RALGAPA1: variants seen among roughly 807,000 people sequenced by gnomAD.
RALGAPA1 encodes the protein ral GTPase-activating protein subunit alpha-1.
RALGAPA1 carries 52 observed loss-of-function variants against 269.6 expected under a neutral mutation model. That is an observed-to-expected ratio of 0.19 (90% confidence interval 0.15 to 0.24). RALGAPA1 has a LOEUF of 0.24. RALGAPA1 is among the 10% of genes least tolerant of loss of function. The pLI is 1.00. For synonymous variants in RALGAPA1, 817 were observed against 1,008.3 expected (o/e 0.81, Z 3.60); for missense variants, 1,917 against 3,013.9 (o/e 0.64, Z 8.52).
intron 37 of RALGAPA1, among the ~76,000 whole-genome samples, chr14:35,594,281 A>G (rs1950002111): frequency 6.6e-6 from 1 of 152,166 alleles, no homozygotes; most frequent in Non-Finnish European, 1.5e-5. Flanking sequence ...GGTACTACAT[A>G]AAACTAAAAA....
intron 17 of RALGAPA1, among the ~76,000 whole-genome samples, chr14:35,693,440 T>C (rs2066656361): frequency 6.6e-6 from 1 of 151,850 alleles, no homozygotes; most frequent in Non-Finnish European, 1.5e-5. Context: ...ATATTTTAAC[T>C]TAAAAAATGA....
At chr14:35,577,543 T>G (rs774559030) in intron 37 of RALGAPA1, among the ~76,000 whole-genome samples, 12 of 152,166 alleles carry the variant, frequency 7.9e-5, no homozygotes, top group Admixed American at 2.0e-4. Context: ...CCCAGAACTG[T>G]GAGAAATAAA....
At chr14:35,563,683 T>C (rs2056468628) in intron 39 of RALGAPA1, among the ~76,000 whole-genome samples, 1 of 152,160 alleles carries the variant, frequency 6.6e-6, no homozygotes, top group Non-Finnish European at 1.5e-5. Flanking sequence ...AAATTGAAAA[T>C]GCATTTAATA....
chr14:35,759,967 A>G (rs1303772748), intron 6 of RALGAPA1, among the ~76,000 whole-genome samples: 1 of 151,918 alleles, frequency 6.6e-6, no homozygotes, highest in Non-Finnish European at 1.5e-5. Context: ...AACCACAAAG[A>G]CTCACTAATG....
chr14:35,585,085 A>C (rs1169413516), intron 37 of RALGAPA1, among the ~76,000 whole-genome samples: 1 of 152,216 alleles, frequency 6.6e-6, no homozygotes, highest in East Asian at 1.9e-4. Context: ...GATAAAGAGA[A>C]GCCTCATATA....
At chr14:35,710,515 C>A (rs1272071411) in intron 16 of RALGAPA1, among the ~76,000 whole-genome samples, 2 of 152,176 alleles carry the variant, frequency 1.3e-5, no homozygotes, top group East Asian at 3.9e-4. Context: ...TCCTTGGCCT[C>A]CCAAAGTACT....
Position 35,756,776 on chromosome 14 carries a change from A to G in RALGAPA1, c.663+17T>C. The G allele has an allele frequency of 6.5e-7, 1 of 1,541,956 alleles. No individual in the cohort carries two copies. Among genetic ancestry groups the G allele is most frequent in the Non-Finnish European group, 8.9e-7 (1 of 1,119,326 alleles). ...TAGGATAGTAAGGAGTGTGATATCA[A>G]AGAAGATAACAAGTACCTGAATGAC... On this transcript the variant is annotated intron_variant, in intron 7 of 41. Transcript: ENST00000680220.
At chr14:35,771,044 G>T in intron 3 of RALGAPA1, 45 bp from the exon 4 acceptor site, 1 of 825,714 alleles carries the variant, frequency 1.2e-6, no homozygotes, top group Non-Finnish European at 1.9e-6. Context: ...ATAAAACCAA[G>T]TAATGAGTTC....
At chr14:35,741,448 G>C (rs2071543642) in intron 11 of RALGAPA1, among the ~76,000 whole-genome samples, 1 of 151,566 alleles carries the variant, frequency 6.6e-6, no homozygotes. Context: ...ATGTTTGTGT[G>C]TATATATACA....
intron 1 of RALGAPA1, among the ~76,000 whole-genome samples, chr14:35,788,557 G>A (rs1019357209): frequency 3.3e-5 from 5 of 152,134 alleles, no homozygotes; most frequent in Non-Finnish European, 7.3e-5. Flanking sequence ...GACTAAGGCA[G>A]GAGGATCACA....
At chr14:35,748,967 G>A in intron 9 of RALGAPA1, 143 bp from the exon 10 acceptor site, 1 of 1,325,968 alleles carries the variant, frequency 7.5e-7, no homozygotes, top group Admixed American at 3.3e-5. Context: ...CGGGCATAGA[G>A]TTTCATTTAA....
chr14:35,612,463 C>G (rs2059999214), intron 35 of RALGAPA1, among the ~76,000 whole-genome samples: 1 of 148,160 alleles, frequency 6.7e-6, no homozygotes, highest in Non-Finnish European at 1.5e-5. Context: ...AGGGCGGAAA[C>G]TATAAAACTC....
At chr14:35,671,035 CAATA>C (rs1453595500) in intron 26 of RALGAPA1, among the ~76,000 whole-genome samples, 1 of 151,788 alleles carries the variant, frequency 6.6e-6, no homozygotes. Flanking sequence ...TTGTTAAAGA[CAATA>C]TATATTCAGG....
intron 6 of RALGAPA1, 92 bp from the exon 7 acceptor site, chr14:35,757,000 T>C: frequency 8.8e-7 from 1 of 1,140,470 alleles, no homozygotes; most frequent in Non-Finnish European, 1.1e-6. Context: ...AAAATGAGTA[T>C]GCAATGAAAA....
At chr14:35,738,436 T>C (rs1434791739) in intron 12 of RALGAPA1, 77 bp downstream of exon 12, 4 of 1,077,782 alleles carry the variant, frequency 3.7e-6, no homozygotes, top group Non-Finnish European at 5.1e-6. Context: ...TTGTGAAAAG[T>C]ATACTGTATA....
At chr14:35,801,153 A>G (rs1283150489) in intron 1 of RALGAPA1, among the ~76,000 whole-genome samples, 3 of 151,918 alleles carry the variant, frequency 2.0e-5, no homozygotes, top group Non-Finnish European at 4.4e-5. Context: ...ATAAGACTCT[A>G]GTCAGGCTGA....
At position 35,808,776 on chromosome 14, in the gene RALGAPA1, G is replaced by A. The variant is rs143085490; in HGVS notation, c.60C>T (p.Thr20=). The change falls in exon 1 of 42, where the codon ACC becomes ACT. Residue 20 remains threonine (T), a synonymous_variant. Coordinates refer to ENST00000680220, the MANE Select transcript of RALGAPA1 (RefSeq NM_001346249.2). ...TGAGGCGAGTCAGTGCGTCCTTCTT[G>A]GTGTCTAGCACCTTCTGGGTGGACT... ...VKKSTQKVLD[T]KKDALTRLKH... 2 of 1,613,420 alleles carry A rather than the reference G, an allele frequency of 1.2e-6. No homozygotes were observed. Among genetic ancestry groups the A allele is most frequent in the Non-Finnish European group, 1.7e-6 (2 of 1,179,774 alleles).
Position 35,655,870 on chromosome 14 carries a change from T to A in RALGAPA1, c.5433A>T (p.Leu1811=), listed in dbSNP as rs748971680. The change falls in exon 29 of 42, where the codon CTA becomes CTT. Residue 1811 remains leucine, a synonymous_variant. Coordinates refer to ENST00000680220, the MANE Select transcript of RALGAPA1 (RefSeq NM_001346249.2). ...TTTGAGGATGATGAGACTCATGGAC[T>A]AGTTCTTCACAAATCCAAATACCTA... ...CSLGIWICEE[L]VHESHHPQIK... is the part of the protein sequence containing the mutation. 2.3e-5 allele frequency: 37 copies of A among 1,613,588 alleles called. No individual in the cohort carries two copies. The South Asian group carries it at 3.8e-4, about 17-fold the overall frequency.
At chr14:35,655,492 C>G (rs139782630) in intron 29 of RALGAPA1, among the ~76,000 whole-genome samples, 1 of 151,646 alleles carries the variant, frequency 6.6e-6, no homozygotes, top group Non-Finnish European at 1.5e-5. Flanking sequence ...TACAAAAATA[C>G]TAGTTAAAAA....
Sources: allele counts gnomAD v4.1 joint callset (sites outside exome capture counted in the v4.1 genomes callset), GRCh38; gene constraint gnomAD v4.1.1; transcripts MANE v1.5; gene names NCBI Gene and HGNC (gene_info 2026-07-23, HGNC 2026-07-21).